Variants in NKAIN3 observed in about 807,000 individuals in gnomAD.
The protein encoded by NKAIN3 is sodium/potassium transporting ATPase interacting 3.
In NKAIN3, 25 loss-of-function variants were observed where a neutral mutation model predicts 30.2. That is an observed-to-expected ratio of 0.83 (90% CI 0.60 to 1.16). The LOEUF (loss-of-function observed/expected upper bound fraction) is 1.16, where lower values mean the gene tolerates loss of function less well. Among genes scored for constraint, NKAIN3 ranks in the 50% most tolerant of loss-of-function variants. The pLI is 0.00. For synonymous variants in NKAIN3, 91 were observed against 89.6 expected, an observed-to-expected ratio of 1.02 and a Z score of -0.09; for missense variants, 225 against 254.1, an observed-to-expected ratio of 0.89 and a Z score of 0.78.
intron 4 of NKAIN3, among the ~76,000 whole-genome samples, chr8:62,829,742 T>TGATAGATAGACA (rs1819136497): frequency 6.7e-6 from 1 of 150,266 alleles, no homozygotes; most frequent in African/African-American, 2.5e-5. Flanking sequence ...GATAGATAGA[T>TGATAGATAGACA]GATAGATAGA....
chr8:62,818,290 T>C (rs911441372), intron 4 of NKAIN3, among the ~76,000 whole-genome samples: 4 of 152,202 alleles, frequency 2.6e-5, no homozygotes, highest in African/African-American at 9.6e-5. Flanking sequence ...TTTGCAACTT[T>C]CTGTGAGATC....
At chr8:62,803,527 A>C (rs1818153128) in intron 4 of NKAIN3, among the ~76,000 whole-genome samples, 3 of 152,122 alleles carry the variant, frequency 2.0e-5, no homozygotes, top group Admixed American at 6.6e-5. Context: ...GGGTACATAA[A>C]GAAATGAAGG....
At chr8:62,792,129 G>A (rs1554578254) in intron 4 of NKAIN3, among the ~76,000 whole-genome samples, 1 of 151,988 alleles carries the variant, frequency 6.6e-6, no homozygotes, top group Non-Finnish European at 1.5e-5. Flanking sequence ...TGAAACTCTG[G>A]TGGCTTCAAT....
intron 1 of NKAIN3, among the ~76,000 whole-genome samples, chr8:62,466,564 G>A (rs929074175): frequency 4.6e-5 from 7 of 152,278 alleles, no homozygotes; most frequent in East Asian, 1.9e-4. Flanking sequence ...GAAAGGGCAA[G>A]GAGAGTTGTG....
At chr8:62,262,272 A>G (rs1276528576) in intron 1 of NKAIN3, among the ~76,000 whole-genome samples, 1 of 152,120 alleles carries the variant, frequency 6.6e-6, no homozygotes, top group Admixed American at 6.6e-5. Context: ...ATCCCTCAGG[A>G]GGAATCCCAA....
chr8:62,518,950 A>C (rs930462271), intron 1 of NKAIN3, among the ~76,000 whole-genome samples: 1 of 152,182 alleles, frequency 6.6e-6, no homozygotes, highest in African/African-American at 2.4e-5. Flanking sequence ...AATCTCTCAG[A>C]GTCATTTTAG....
At position 62,451,422 on chromosome 8, in the gene NKAIN3, G is replaced by A. The variant is rs574672449; in HGVS notation, c.55-128117G>A. Among the ~76,000 whole-genome samples, 227 of 151,462 alleles carry A rather than the reference G, an allele frequency of 1.5e-3. 1 individual carries two copies. Among genetic ancestry groups the A allele is most frequent in the African/African-American group, 5.0e-3 (207 of 41,250 alleles). On this transcript the variant is annotated intron_variant, in intron 1 of 6. Transcript: ENST00000623646. ...GAATTCAGATAGCCTTTTGTCAAATGTCGTTGTCAGATAATGATAGTAATC... is the reference window on the plus strand; with the variant it reads ...GAATTCAGATAGCCTTTTGTCAAATATCGTTGTCAGATAATGATAGTAATC...
intron 3 of NKAIN3, among the ~76,000 whole-genome samples, chr8:62,624,936 C>T (rs1309379674): frequency 2.0e-5 from 3 of 151,964 alleles, no homozygotes; most frequent in Non-Finnish European, 2.9e-5. Flanking sequence ...TCTTTCTTAT[C>T]ACTAGAAATT....
chr8:62,857,493 A>G (rs1217903410), intron 4 of NKAIN3, among the ~76,000 whole-genome samples: 2 of 152,178 alleles, frequency 1.3e-5, no homozygotes, highest in Non-Finnish European at 2.9e-5. Context: ...AATCAGTCAT[A>G]GATTTGATCT....
At chr8:62,501,325 T>C (rs16929060) in intron 1 of NKAIN3, among the ~76,000 whole-genome samples, 11,175 of 152,162 alleles carry the variant, frequency 0.073, 516 homozygotes, top group African/African-American at 0.13. Context: ...AAGGTCTGTC[T>C]CCTCTCTTTT....
intron 1 of NKAIN3, among the ~76,000 whole-genome samples, chr8:62,407,370 T>G (rs1804104485): frequency 6.6e-6 from 1 of 150,812 alleles, no homozygotes; most frequent in Admixed American, 6.6e-5. Flanking sequence ...AACATTGCAT[T>G]GAATTTATTA....
rs528954779 is a variant in NKAIN3 at position 62,927,772 on chromosome 8, T to C, written c.532+9259T>C. Reference sequence around the variant, plus strand: ...AAATATTAACTAATCATTCCTACTATAGAGTTTATATTAACATTCACACTG... The same window carrying C: ...AAATATTAACTAATCATTCCTACTACAGAGTTTATATTAACATTCACACTG... On this transcript the variant is annotated intron_variant, in intron 5 of 6. Transcript: ENST00000623646. Among the ~76,000 whole-genome samples the C allele has an allele frequency of 5.9e-5, 9 of 152,310 alleles. No individual in the cohort carries two copies. In the South Asian group the frequency reaches 1.2e-3, roughly 21 times the overall value.
intron 1 of NKAIN3, among the ~76,000 whole-genome samples, chr8:62,350,902 C>T (rs1816159498): frequency 6.6e-6 from 1 of 151,608 alleles, no homozygotes; most frequent in Non-Finnish European, 1.5e-5. Flanking sequence ...GTTGGACAGG[C>T]TGGTCTCGAA....
At chr8:62,988,604 G>A (rs1824253384), downstream of NKAIN3, among the ~76,000 whole-genome samples, 1 of 152,252 alleles carries the variant, frequency 6.6e-6, no homozygotes, top group Non-Finnish European at 1.5e-5. Flanking sequence ...TGGAGCTGCT[G>A]GTAGGCAGGG....
At chr8:62,721,533 A>AGTCT (rs1815093236) in intron 3 of NKAIN3, among the ~76,000 whole-genome samples, 1 of 152,210 alleles carries the variant, frequency 6.6e-6, no homozygotes, top group Non-Finnish European at 1.5e-5. Context: ...GTGCTTCTTA[A>AGTCT]GTCTCACTCA....
intron 1 of NKAIN3, among the ~76,000 whole-genome samples, chr8:62,370,163 C>T (rs1241447631): frequency 1.3e-5 from 2 of 151,956 alleles, no homozygotes; most frequent in African/African-American, 2.4e-5. Flanking sequence ...TAAAGTATCT[C>T]TGTCAGCATT....
chr8:62,610,482 C>T (rs1186325171), intron 3 of NKAIN3, among the ~76,000 whole-genome samples: 1 of 151,992 alleles, frequency 6.6e-6, no homozygotes, highest in East Asian at 1.9e-4. Flanking sequence ...GTGCATGAGA[C>T]AGAGGTGTGT....
chr8:62,650,757 C>T lies in NKAIN3; in HGVS notation c.273+60963C>T, dbSNP rs376212508. On this transcript the variant is annotated intron_variant, in intron 3 of 6. Transcript: ENST00000623646. Reference sequence around the variant, plus strand: ...ACCACAGGCTCTTGTCAGATGCCTGCCATTGCTATGCTATTCTCATTATTT... The same window carrying T: ...ACCACAGGCTCTTGTCAGATGCCTGTCATTGCTATGCTATTCTCATTATTT... Among the ~76,000 whole-genome samples the T allele has an allele frequency of 4.6e-5, 7 of 152,134 alleles. No homozygotes were observed. The East Asian group carries it at 1.4e-3, about 29-fold the overall frequency.
At chr8:62,855,983 A>C in intron 4 of NKAIN3, 1 of 691,320 alleles carries the variant, frequency 1.4e-6, no homozygotes, top group Non-Finnish European at 2.7e-6. Flanking sequence ...TTGAGCTCCC[A>C]ATCACCAGCA....
Sources: allele counts gnomAD v4.1 joint callset (sites outside exome capture counted in the v4.1 genomes callset), GRCh38; gene constraint gnomAD v4.1.1; transcripts MANE v1.5; gene names NCBI Gene and HGNC (gene_info 2026-07-23, HGNC 2026-07-21).